The following ABLIM1 variants were observed in gnomAD, a reference collection of about 807,000 sequenced individuals.
ABLIM1 encodes actin binding LIM protein 1.
A neutral mutation model predicts 107.0 loss-of-function variants in ABLIM1; 40 were observed. That is an observed-to-expected ratio of 0.37 (90% CI 0.29 to 0.49). The LOEUF (loss-of-function observed/expected upper bound fraction) is 0.49. Ranked by LOEUF, ABLIM1 falls within the 20% of genes least tolerant of loss-of-function variation. The pLI is 0.97. For missense variants in ABLIM1, 857 were observed against 1,008.5 expected, an observed-to-expected ratio of 0.85 and a Z score of 2.04; for synonymous variants, 357 against 357.3, an observed-to-expected ratio of 1.00 and a Z score of 0.01.
intron 6 of ABLIM1, among the ~76,000 whole-genome samples, chr10:114,508,196 G>GT (rs1201238556): frequency 6.6e-6 from 1 of 152,126 alleles, no homozygotes; most frequent in Admixed American, 6.5e-5. Context: ...AATTTACCCT[G>GT]TTTAGGAGAT....
intron 6 of ABLIM1, among the ~76,000 whole-genome samples, chr10:114,507,340 G>A (rs1246023347): frequency 6.6e-6 from 1 of 152,126 alleles, no homozygotes; most frequent in Non-Finnish European, 1.5e-5. Context: ...AAAACCGACT[G>A]AAAAATAAAT....
chr10:114,621,979 C>A (rs2077492047), intron 1 of ABLIM1, among the ~76,000 whole-genome samples: 1 of 152,210 alleles, frequency 6.6e-6, no homozygotes, highest in South Asian at 2.1e-4. Context: ...CATAACTGGG[C>A]TCTCGTCCTG....
At chr10:114,483,687 G>A (rs559023165) in intron 8 of ABLIM1, among the ~76,000 whole-genome samples, 1 of 152,158 alleles carries the variant, frequency 6.6e-6, no homozygotes, top group Non-Finnish European at 1.5e-5. Flanking sequence ...AAGAAAGAAG[G>A]TGAAGGTTTA....
intron 1 of ABLIM1, among the ~76,000 whole-genome samples, chr10:114,705,815 T>C (rs547167362): frequency 6.6e-6 from 1 of 152,188 alleles, no homozygotes; most frequent in Admixed American, 6.5e-5. Context: ...AACAAAAAAT[T>C]TGAAATTTGA....
At chr10:114,610,339 T>C (rs1445598098) in intron 1 of ABLIM1, among the ~76,000 whole-genome samples, 2 of 152,174 alleles carry the variant, frequency 1.3e-5, no homozygotes, top group African/African-American at 2.4e-5. Flanking sequence ...CTGGTCTGGA[T>C]TTGCAATCCT....
intron 4 of ABLIM1, among the ~76,000 whole-genome samples, chr10:114,549,344 T>C (rs768599929): frequency 2.6e-5 from 4 of 152,074 alleles, no homozygotes; most frequent in Non-Finnish European, 5.9e-5. Flanking sequence ...GATCATGCCA[T>C]TGCACTCCAG....
In ABLIM1 at chr10:114,657,648, C is replaced by A. The variant is rs2079586342; in HGVS notation, c.244+309G>T. Reference sequence around the variant, plus strand: ...CCTTTGTCATATGAAATAATAACATCTACAGATAGAGATCTTTCTTTTCCA... The same window carrying A: ...CCTTTGTCATATGAAATAATAACATATACAGATAGAGATCTTTCTTTTCCA... On this transcript the variant is annotated intron_variant, in intron 1 of 22. Coordinates refer to ENST00000533213, the MANE Select transcript of ABLIM1 (RefSeq NM_002313.7). 2.0e-5 allele frequency among the ~76,000 whole-genome samples: 3 copies of A among 152,166 alleles called. No individual in the cohort carries two copies. In the South Asian group the frequency reaches 6.2e-4, roughly 32 times the overall value.
At chr10:114,692,800 G>C (rs1254634409) in intron 1 of ABLIM1, among the ~76,000 whole-genome samples, 1 of 152,214 alleles carries the variant, frequency 6.6e-6, no homozygotes, top group African/African-American at 2.4e-5. Context: ...TGAGGCAGGA[G>C]AATTGCTTGA....
At chr10:114,638,245 A>T (rs1292582297) in intron 1 of ABLIM1, among the ~76,000 whole-genome samples, 3 of 152,258 alleles carry the variant, frequency 2.0e-5, no homozygotes. Flanking sequence ...TTAAGAGTAA[A>T]TTCAGTCTCT....
At chr10:114,588,418 G>T (rs1262772648) in intron 2 of ABLIM1, among the ~76,000 whole-genome samples, 1 of 151,182 alleles carries the variant, frequency 6.6e-6, no homozygotes, top group African/African-American at 2.4e-5. Context: ...GCCATGATCA[G>T]AGAACCTTTA....
In ABLIM1 at chr10:114,658,254, G is replaced by A; in HGVS notation, c.-54C>T. The A allele has an allele frequency of 8.4e-6, 13 of 1,548,144 alleles. No individual in the cohort carries two copies. Among genetic ancestry groups the A allele is most frequent in the Non-Finnish European group, 1.1e-5 (13 of 1,145,676 alleles). On this transcript the variant is annotated 5_prime_UTR_variant, in exon 1 of 23. Coordinates refer to ENST00000533213, the MANE Select transcript of ABLIM1 (RefSeq NM_002313.7). Reference sequence around the variant, plus strand: ...ATGGGGAGTGGGGACCCAAGGAGCGGTGCTGCCCCACAATTCTCTCTGTTC... The same window carrying A: ...ATGGGGAGTGGGGACCCAAGGAGCGATGCTGCCCCACAATTCTCTCTGTTC...
intron 1 of ABLIM1, among the ~76,000 whole-genome samples, chr10:114,670,200 CAT>C (rs2080191210): frequency 6.6e-6 from 1 of 152,106 alleles, no homozygotes; most frequent in African/African-American, 2.4e-5. Context: ...TGCTTTCATT[CAT>C]ATCCTTCCCA....
chr10:114,464,963 C>A (rs1424423351), intron 12 of ABLIM1, among the ~76,000 whole-genome samples: 1 of 152,186 alleles, frequency 6.6e-6, no homozygotes, highest in African/African-American at 2.4e-5. Flanking sequence ...TCTTCTCCCA[C>A]TACACACAGG....
At chr10:114,611,981 C>A (rs2076838545) in intron 1 of ABLIM1, among the ~76,000 whole-genome samples, 1 of 152,144 alleles carries the variant, frequency 6.6e-6, no homozygotes, top group Admixed American at 6.6e-5. Flanking sequence ...GATTCCCAGT[C>A]CTGCCTTTCC....
intron 4 of ABLIM1, among the ~76,000 whole-genome samples, chr10:114,565,828 T>C (rs1348298029): frequency 7.5e-6 from 1 of 132,898 alleles, no homozygotes; most frequent in East Asian, 2.3e-4. Context: ...AGAGTCTCGA[T>C]CTGTCGCCCA....
intron 1 of ABLIM1, chr10:114,690,745 G>C: frequency 2.4e-5 from 8 of 339,576 alleles, no homozygotes; most frequent in South Asian, 4.8e-5. Context: ...GCAGTGGTGC[G>C]ATCTCAGCTC....
intron 6 of ABLIM1, among the ~76,000 whole-genome samples, chr10:114,520,539 T>C (rs2063576345): frequency 1.3e-5 from 2 of 152,070 alleles, no homozygotes; most frequent in East Asian, 1.9e-4. Flanking sequence ...CTGCCAATTG[T>C]AACCCTGGAT....
chr10:114,631,858 T>G (rs2078201119), intron 1 of ABLIM1: 2 of 1,301,638 alleles, frequency 1.5e-6, no homozygotes, highest in East Asian at 1.1e-4. Flanking sequence ...GCGGTGCCAT[T>G]CCAACTTCTG....
At position 114,658,069 on chromosome 10, in the gene ABLIM1, G is replaced by C; in HGVS notation, c.132C>G (p.Val44=). Residue 44 remains valine (V), a synonymous_variant, in exon 1 of 23, where the codon GTC becomes GTG. Coordinates refer to ENST00000533213, the MANE Select transcript of ABLIM1 (RefSeq NM_002313.7). ...RKRLIVEDRR[V]SGTSFTAHRR... is the part of the protein sequence containing the mutation. ...TATGAGCGGTGAAGGAGGTCCCAGA[G>C]ACCCTCCGGTCCTCAACAATCAGTC... The C allele has an allele frequency of 6.2e-7, 1 of 1,614,210 alleles. No homozygotes were observed. Among genetic ancestry groups the C allele is most frequent in the Non-Finnish European group, 8.5e-7 (1 of 1,180,040 alleles).
Sources: gnomAD v4.1 joint callset for allele counts (sites outside exome capture counted in the v4.1 genomes callset) on GRCh38, gnomAD v4.1.1 for gene constraint, MANE v1.5 for transcripts, NCBI Gene and HGNC (gene_info 2026-07-23, HGNC 2026-07-21) for gene names.